The following DNAAF4 variants were observed in gnomAD, a reference collection of about 807,000 sequenced individuals.
DNAAF4 encodes dynein assembly factor 4, axonemal.
Under a neutral mutation model 51.8 loss-of-function variants are expected in DNAAF4, and 43 were observed. The ratio of observed to expected loss-of-function variants is 0.83; its 90% CI spans 0.65 to 1.07. The LOEUF is 1.07. Among genes scored for constraint, DNAAF4 ranks in the 50% least tolerant of loss-of-function variants. The pLI is 0.00. For missense variants in DNAAF4, 581 were observed against 493.0 expected (o/e 1.18, Z -1.69); for synonymous variants, 194 against 165.6 (o/e 1.17, Z -1.32).
At chr15:55,421,366 G>A (rs982202921) in intron 7 of DNAAF4, among the ~76,000 whole-genome samples, 6 of 151,980 alleles carry the variant, frequency 3.9e-5, no homozygotes, top group African/African-American at 1.5e-4. Flanking sequence ...AGCCAGGCAT[G>A]GTGGTGCATG....
At chr15:55,454,030 G>A (rs2057979476) in intron 5 of DNAAF4, among the ~76,000 whole-genome samples, 1 of 152,070 alleles carries the variant, frequency 6.6e-6, no homozygotes, top group African/African-American at 2.4e-5. Flanking sequence ...GCCAGGTATG[G>A]TGGCTCACGC....
intron 5 of DNAAF4, among the ~76,000 whole-genome samples, chr15:55,462,074 C>T (rs532409689): frequency 6.6e-6 from 1 of 152,240 alleles, no homozygotes; most frequent in South Asian, 2.1e-4. Context: ...TTAAACAATC[C>T]TCCCAGATTA....
chr15:55,459,173 C>A (rs538646173), intron 5 of DNAAF4, among the ~76,000 whole-genome samples: 8 of 151,918 alleles, frequency 5.3e-5, no homozygotes, highest in African/African-American at 1.9e-4. Context: ...AGAAGCCCTG[C>A]AAGCCAGAAG....
chr15:55,473,269 A>ATATG (rs1300423909), intron 4 of DNAAF4, among the ~76,000 whole-genome samples: 2 of 30,870 alleles, frequency 6.5e-5, no homozygotes, highest in African/African-American at 1.7e-4. Context: ...ATGTGTATAT[A>ATATG]TGTGTATATA....
intron 5 of DNAAF4, among the ~76,000 whole-genome samples, chr15:55,460,203 CAG>C (rs2058075751): frequency 7.4e-6 from 1 of 134,642 alleles, no homozygotes. Context: ...TTTTTTGAGA[CAG>C]AGTCTCACTC....
At chr15:55,426,013 A>C (rs2057427766), downstream of DNAAF4, among the ~76,000 whole-genome samples, 2 of 152,216 alleles carry the variant, frequency 1.3e-5, no homozygotes, top group Non-Finnish European at 2.9e-5. Context: ...CTGCCCAAGC[A>C]TTTGGGAATC....
At chr15:55,469,474 CTTTTTTTTTTTTTTTTT>C (rs1162485238) in intron 4 of DNAAF4, among the ~76,000 whole-genome samples, 1 of 66,254 alleles carries the variant, frequency 1.5e-5, no homozygotes, top group Non-Finnish European at 2.5e-5. Flanking sequence ...CTTACCAATT[CTTTTTTTTTTTTTTTTT>C]TTTTTTTTTG....
chr15:55,472,690 T>G (rs1243756946), intron 4 of DNAAF4, among the ~76,000 whole-genome samples: 1 of 152,176 alleles, frequency 6.6e-6, no homozygotes, highest in South Asian at 2.1e-4. Flanking sequence ...CTACAGGTTA[T>G]TAGTTTAATG....
chr15:55,486,225 T>C (rs1362619378), intron 4 of DNAAF4, among the ~76,000 whole-genome samples: 1 of 149,594 alleles, frequency 6.7e-6, no homozygotes, highest in African/African-American at 2.5e-5. Context: ...GAAGTTTCAC[T>C]CTTTGTTACC....
intron 7 of DNAAF4, among the ~76,000 whole-genome samples, chr15:55,438,131 G>A (rs2057646093): frequency 6.6e-6 from 1 of 152,158 alleles, no homozygotes; most frequent in South Asian, 2.1e-4. Flanking sequence ...AGCACTTTGG[G>A]AGGTCAAGGT....
intron 5 of DNAAF4, among the ~76,000 whole-genome samples, chr15:55,462,631 C>CA (rs34906064): frequency 0.072 from 7,999 of 110,348 alleles, 272 homozygotes; most frequent in Non-Finnish European, 0.094. Context: ...AAGGACATAA[C>CA]AAAAAAAAAA....
intron 5 of DNAAF4, among the ~76,000 whole-genome samples, chr15:55,460,767 ATTT>A (rs543643696): frequency 6.9e-6 from 1 of 145,672 alleles, no homozygotes; most frequent in Non-Finnish European, 1.5e-5. Flanking sequence ...AGTCTCAATA[ATTT>A]TTTTTTTTTT....
At chr15:55,438,608 C>A (rs1045265800) in intron 7 of DNAAF4, among the ~76,000 whole-genome samples, 1 of 151,616 alleles carries the variant, frequency 6.6e-6, no homozygotes, top group South Asian at 2.1e-4. Flanking sequence ...ATGGTGAAAC[C>A]CCGTCTCTAC....
rs533891195 is a variant in DNAAF4, at chr15:55,478,599, A to G, written c.406-11438T>C. On this transcript the variant is annotated intron_variant, in intron 4 of 9. Coordinates refer to ENST00000321149, the MANE Select transcript of DNAAF4 (RefSeq NM_130810.4). ...TGAAGTCAAACACACTGCTATCCCAATCCCAGCCCAATCTTGGGCCCTTGA... is the reference window on the plus strand; with the variant it reads ...TGAAGTCAAACACACTGCTATCCCAGTCCCAGCCCAATCTTGGGCCCTTGA... Among the ~76,000 whole-genome samples, 3 of 152,308 alleles carry G rather than the reference A, an allele frequency of 2.0e-5. No individual in the cohort carries two copies. In the South Asian group the frequency reaches 6.2e-4, roughly 32 times the overall value.
At chr15:55,491,337 C>A (rs2058568446) in intron 3 of DNAAF4, 81 bp from the exon 4 acceptor site, 2 of 1,396,628 alleles carry the variant, frequency 1.4e-6, no homozygotes, top group Non-Finnish European at 1.9e-6. Context: ...ATAAACTGAC[C>A]CAGGATGAGA....
rs111911388 is a variant in DNAAF4 at position 55,448,519 on chromosome 15, G to GGTGTGTGTGTGTGTGT, written c.783+1687_783+1702dup. 1.0e-4 allele frequency among the ~76,000 whole-genome samples: 10 copies of GGTGTGTGTGTGTGTGT among 99,904 alleles called. No individual in the cohort carries two copies. The South Asian group carries it at 1.5e-3, about 15-fold the overall frequency. 65.5% of individuals were successfully genotyped at this position (99,904 alleles called of 152,430 possible). A position where few individuals can be genotyped will look rare whatever the true frequency, so the allele number is the denominator to read the frequency against. The stretch of plus-strand genomic sequence containing the variant: ...CCAACTCAAAAAAAAAAAAAAAAAG[G>GGTGTGTGTGTGTGTGT]GTGTGTGTGTGTGTGTGTGTGTGTG... On this transcript the variant is annotated intron_variant, in intron 6 of 9. Coordinates refer to ENST00000321149, the MANE Select transcript of DNAAF4 (RefSeq NM_130810.4).
chr15:55,428,150 C>A (rs1417348805), downstream of DNAAF4, among the ~76,000 whole-genome samples: 2 of 151,954 alleles, frequency 1.3e-5, no homozygotes, highest in Non-Finnish European at 2.9e-5. Context: ...CACAGGGTTT[C>A]ACCATGTTGG....
At chr15:55,484,165 G>A (rs1047012361) in intron 4 of DNAAF4, among the ~76,000 whole-genome samples, 1 of 151,896 alleles carries the variant, frequency 6.6e-6, no homozygotes, top group African/African-American at 2.4e-5. Flanking sequence ...AAATGCCATG[G>A]AATACAGTAT....
chr15:55,486,328 A>C (rs912061142), intron 4 of DNAAF4, among the ~76,000 whole-genome samples: 3 of 151,626 alleles, frequency 2.0e-5, no homozygotes, highest in African/African-American at 2.4e-5. Flanking sequence ...AGAGTAGCTA[A>C]GATTACAGGT....
Sources: gnomAD v4.1 joint callset for allele counts (sites outside exome capture counted in the v4.1 genomes callset) on GRCh38, gnomAD v4.1.1 for gene constraint, MANE v1.5 for transcripts, NCBI Gene and HGNC (gene_info 2026-07-23, HGNC 2026-07-21) for gene names.